The following PKD2L2 variants were observed in gnomAD, a reference collection of about 807,000 sequenced individuals.
PKD2L2 encodes polycystin 2 like 2, transient receptor potential cation channel, also known as polycystin-2-like protein 2.
PKD2L2 carries 67 observed loss-of-function variants against 83.9 expected under a neutral mutation model. The ratio of observed to expected loss-of-function variants is 0.80; its 90% CI spans 0.66 to 0.98. The LOEUF (loss-of-function observed/expected upper bound fraction) is 0.98. PKD2L2 is among the 50% of genes least tolerant of loss of function. PKD2L2 has a pLI of 0.00. For missense variants in PKD2L2, 632 were observed against 717.2 expected (o/e 0.88, Z 1.36); for synonymous variants, 223 against 237.8 (o/e 0.94, Z 0.57).
intron 7 of PKD2L2, among the ~76,000 whole-genome samples, chr5:137,908,449 G>A (rs1005856563): frequency 3.3e-5 from 5 of 151,996 alleles, no homozygotes; most frequent in African/African-American, 4.8e-5. Flanking sequence ...ATACTAGCTG[G>A]GCATGGTGGC....
At chr5:137,928,862 C>T (rs1346916265) in intron 12 of PKD2L2, among the ~76,000 whole-genome samples, 3 of 152,234 alleles carry the variant, frequency 2.0e-5, no homozygotes, top group Non-Finnish European at 4.4e-5. Context: ...GAGCGAGCCA[C>T]TGTGCCCAGC....
intron 5 of PKD2L2, among the ~76,000 whole-genome samples, chr5:137,903,812 A>G (rs149413972): frequency 0.014 from 2,099 of 152,304 alleles, 36 homozygotes; most frequent in African/African-American, 0.046. Context: ...GCTGGAGTAC[A>G]GTGGCATGAT....
At chr5:137,895,826 T>G (rs1215748529) in intron 4 of PKD2L2, among the ~76,000 whole-genome samples, 1 of 146,664 alleles carries the variant, frequency 6.8e-6, no homozygotes, top group Non-Finnish European at 1.5e-5. Context: ...TGTGGTGAAC[T>G]GAGATCATGC....
intron 7 of PKD2L2, among the ~76,000 whole-genome samples, 174 bp from the exon 8 acceptor site, chr5:137,908,590 CA>C (rs796434188): frequency 4.5e-4 from 61 of 134,328 alleles, no homozygotes; most frequent in African/African-American, 8.5e-4. Flanking sequence ...GACTCCATCT[CA>C]AAAAAAAAAA....
chr5:137,891,795 T>C (rs1225574226), intron 2 of PKD2L2, among the ~76,000 whole-genome samples: 1 of 152,090 alleles, frequency 6.6e-6, no homozygotes, highest in Non-Finnish European at 1.5e-5. Flanking sequence ...GCGATTCTCC[T>C]GCCTCAGCCT....
intron 12 of PKD2L2, among the ~76,000 whole-genome samples, chr5:137,927,432 T>G (rs951237638): frequency 6.6e-6 from 1 of 152,228 alleles, no homozygotes; most frequent in African/African-American, 2.4e-5. Context: ...TGAGGAACTA[T>G]TCCAGATTAA....
At chr5:137,916,497 T>TC (rs1266191822) in intron 8 of PKD2L2, among the ~76,000 whole-genome samples, 2 of 147,106 alleles carry the variant, frequency 1.4e-5, no homozygotes, top group Admixed American at 1.4e-4. Context: ...TTTTTTTTTT[T>TC]GAGACAGAGT....
intron 8 of PKD2L2, among the ~76,000 whole-genome samples, chr5:137,910,059 C>CA (rs1757686673): frequency 1.3e-5 from 2 of 151,050 alleles, no homozygotes; most frequent in Admixed American, 6.6e-5. Context: ...TGCGTTTCTA[C>CA]AAAAAAACAA....
chr5:137,890,384 C>T lies in PKD2L2; in HGVS notation c.32-97C>T, dbSNP rs556205489. The T allele has an allele frequency of 2.5e-4, 171 of 676,812 alleles. 1 individual carries two copies. Among genetic ancestry groups the T allele is most frequent in the Middle Eastern group, 1.9e-3 (5 of 2,674 alleles). The allele number at this position is 676,812 out of a possible 1,614,324, so 41.9% of individuals were successfully genotyped here. On this transcript the variant is annotated intron_variant, in intron 1 of 14. Transcript: ENST00000508883. ...CAGAAGCTATTGGAGCTTTCCTCCC[C>T]GCAGTGTAAGGACTAAAAGTGGCTG...
intron 4 of PKD2L2, among the ~76,000 whole-genome samples, chr5:137,895,435 G>GCA (rs1352901487): frequency 6.8e-6 from 1 of 146,714 alleles, no homozygotes; most frequent in Non-Finnish European, 1.5e-5. Context: ...TCACACCACT[G>GCA]CACTCCAGCC....
At chr5:137,938,021 G>T (rs1760643369) in intron 14 of PKD2L2, 1 of 151,914 alleles carries the variant, frequency 6.6e-6, no homozygotes, top group African/African-American at 2.4e-5. Context: ...ACACAGCAAT[G>T]CCATTATACT....
chr5:137,930,454 T>A (rs1003953992), intron 12 of PKD2L2, among the ~76,000 whole-genome samples: 1 of 151,970 alleles, frequency 6.6e-6, no homozygotes, highest in African/African-American at 2.4e-5. Context: ...GGGCGGATCA[T>A]GAGGTCAGGA....
chr5:137,905,753 TAATCTA>T lies in PKD2L2; in HGVS notation c.747-450_747-445del, dbSNP rs570739928. 7.2e-5 allele frequency among the ~76,000 whole-genome samples: 11 copies of T among 152,354 alleles called. No individual in the cohort carries two copies. In the South Asian group the frequency reaches 1.9e-3, roughly 26 times the overall value. ...ATTTAGAAGCAAGAAGCATTTCTGA[TAATCTA>T]AAGAGGGAGAATGTATGTCCTCCCT... On this transcript the variant is annotated intron_variant, in intron 5 of 14. Coordinates refer to ENST00000508883, the MANE Select transcript of PKD2L2 (RefSeq NM_001300921.2).
At position 137,906,363 on chromosome 5, in the gene PKD2L2, A is replaced by C; in HGVS notation, c.904A>C (p.Lys302Gln). 6.2e-7 allele frequency: 1 copy of C among 1,606,694 alleles called. No individual in the cohort carries two copies. The highest frequency in any genetic ancestry group is 8.5e-7 in the Non-Finnish European group (1 of 1,174,232). Residue 302 changes from lysine (K) to glutamine (Q), a missense_variant, in exon 6 of 15, where the codon AAA (lysine) becomes CAA (glutamine). Physicochemically the swap from Lys to Gln is moderately conservative, Grantham distance 53 (BLOSUM62 1). Transcript: ENST00000508883. Reference sequence around the variant, plus strand: ...TTTTGTCTTCACAACACAAGAAGTCAAAAAAATAAAAGAATTTAAGTCTGC... The same window carrying C: ...TTTTGTCTTCACAACACAAGAAGTCCAAAAAATAAAAGAATTTAAGTCTGC... ...FLFVFTTQEV[K>Q]KIKEFKSAYF...
At chr5:137,923,115 A>G (rs938160747) in intron 9 of PKD2L2, among the ~76,000 whole-genome samples, 1 of 151,524 alleles carries the variant, frequency 6.6e-6, no homozygotes, top group South Asian at 2.1e-4. Context: ...TCCTGGGTTC[A>G]AGAGATTCTC....
At chr5:137,894,794 GTTTAC>G (rs948423347) in intron 4 of PKD2L2, among the ~76,000 whole-genome samples, 185 bp downstream of exon 4, 16 of 152,222 alleles carry the variant, frequency 1.1e-4, no homozygotes, top group Non-Finnish European at 2.2e-4. Context: ...ATTATTTTTT[GTTTAC>G]TTTAGGATGC....
chr5:137,907,894 CT>C lies in PKD2L2; in HGVS notation c.1134del (p.Phe378LeufsTer4). 7.8e-6 allele frequency: 11 copies of C among 1,409,904 alleles called. No homozygotes were observed. Among genetic ancestry groups the C allele is most frequent in the Admixed American group, 1.8e-5 (1 of 55,288 alleles). The allele number at this position is 1,409,904 out of a possible 1,614,324, so 87.3% of individuals were successfully genotyped here. On this transcript the variant is annotated frameshift_variant, in exon 7 of 15. Coordinates refer to ENST00000508883, the MANE Select transcript of PKD2L2 (RefSeq NM_001300921.2). LOFTEE classifies it high-confidence loss of function. ...ACAATAATATAATTGCTATTACCAT[CT>C]TTTTTGCATGGATAAAGGTATTTAT... The part of the protein sequence containing the change: ...YYNNIIAITI[F>X]FAWIKIFKFI...
chr5:137,899,697 T>C lies in PKD2L2; in HGVS notation c.706T>C (p.Ser236Pro), dbSNP rs911210398. The change falls in exon 5 of 15, where the codon TCC becomes CCC. Residue 236 changes from serine to proline, a missense_variant. Around this residue, in one of 3 missense-constraint regions of PKD2L2, gnomAD observed 229 missense variants for 281.5 expected, o/e 0.81. Coordinates refer to ENST00000508883, the MANE Select transcript of PKD2L2 (RefSeq NM_001300921.2). The stretch of plus-strand genomic sequence containing the variant: ...GACTAGAGTTATTTTTATTGATTTT[T>C]CCTTATATAATGCTAATGTAAATCT... ...RGTRVIFIDF[S>P]LYNANVNLFC... 14 of 1,611,294 alleles carry C rather than the reference T, an allele frequency of 8.7e-6. No individual in the cohort carries two copies. In the African/African-American group the frequency reaches 1.7e-4, roughly 20 times the overall value.
Position 137,889,541 on chromosome 5 carries a change from G to A in PKD2L2, c.31+19G>A. The A allele has an allele frequency of 6.5e-7, 1 of 1,539,528 alleles. No homozygotes were observed. Among genetic ancestry groups the A allele is most frequent in the Non-Finnish European group, 8.7e-7 (1 of 1,152,592 alleles). On this transcript the variant is annotated intron_variant, in intron 1 of 14. Transcript: ENST00000508883. ...CGAGGCGGTGAGGGGTCCTCTTAAG[G>A]AGTGGGAGGGACAGGGGCGATTTGG... is the stretch of plus-strand genomic sequence containing the variant.
Sources: allele counts gnomAD v4.1 joint callset (sites outside exome capture counted in the v4.1 genomes callset), GRCh38; gene constraint gnomAD v4.1.1; regional missense constraint gnomAD v4.1.1; transcripts MANE v1.5; gene names NCBI Gene and HGNC (gene_info 2026-07-23, HGNC 2026-07-21).